Variants in PDE8A observed in about 807,000 individuals in gnomAD.
PDE8A encodes high affinity cAMP-specific and IBMX-insensitive 3',5'-cyclic phosphodiesterase 8A.
Under a neutral mutation model 105.0 loss-of-function variants are expected in PDE8A, and 59 were observed. That is an observed-to-expected ratio of 0.56 (90% CI 0.46 to 0.70). The LOEUF (loss-of-function observed/expected upper bound fraction) is 0.70, where lower values mean the gene tolerates loss of function less well. Among genes scored for constraint, PDE8A ranks in the 30% least tolerant of loss-of-function variants. PDE8A has a pLI of 0.00. For synonymous variants in PDE8A, 355 were observed against 371.9 expected (o/e 0.95, Z 0.52); for missense variants, 1,014 against 1,045.9 (o/e 0.97, Z 0.42).
chr15:85,027,158 G>A (rs2080531402), intron 1 of PDE8A, among the ~76,000 whole-genome samples: 1 of 152,130 alleles, frequency 6.6e-6, no homozygotes, highest in Admixed American at 6.5e-5. Flanking sequence ...AGGCCTTGTT[G>A]GACTGTGGAC....
At chr15:85,098,392 T>C (rs1277932716) in intron 9 of PDE8A, among the ~76,000 whole-genome samples, 1 of 152,146 alleles carries the variant, frequency 6.6e-6, no homozygotes, top group African/African-American at 2.4e-5. Flanking sequence ...GGCTATGTAT[T>C]ATTTCTGCAG....
chr15:85,132,638 G>C (rs1379261654), intron 20 of PDE8A, among the ~76,000 whole-genome samples: 1 of 152,066 alleles, frequency 6.6e-6, no homozygotes, highest in East Asian at 1.9e-4. Context: ...GCTAATTTTT[G>C]TATTTTTAGT....
intron 20 of PDE8A, among the ~76,000 whole-genome samples, chr15:85,134,546 C>CCTT (rs34002838): frequency 0.84 from 127,575 of 151,924 alleles, 54,197 homozygotes; most frequent in African/African-American, 0.96. Context: ...GTTCCCCACT[C>CCTT]CTCTTACCAA....
At chr15:85,021,438 G>A (rs1376733981) in intron 1 of PDE8A, among the ~76,000 whole-genome samples, 1 of 152,078 alleles carries the variant, frequency 6.6e-6, no homozygotes, top group Non-Finnish European at 1.5e-5. Context: ...AGCTACTGGG[G>A]TTGGGGGTGG....
At chr15:84,990,582 A>G (rs1018443077) in intron 1 of PDE8A, among the ~76,000 whole-genome samples, 5 of 152,192 alleles carry the variant, frequency 3.3e-5, no homozygotes, top group Admixed American at 2.6e-4. Context: ...TTCTAATTAA[A>G]GTAGTCTGTT....
At chr15:85,000,844 AT>A (rs1449411491) in intron 1 of PDE8A, among the ~76,000 whole-genome samples, 2 of 152,068 alleles carry the variant, frequency 1.3e-5, no homozygotes, top group Non-Finnish European at 2.9e-5. Context: ...TTATGAGGAC[AT>A]TTTCTGGAAT....
intron 17 of PDE8A, among the ~76,000 whole-genome samples, chr15:85,119,026 G>T (rs1596537497): frequency 1.3e-5 from 2 of 152,102 alleles, no homozygotes; most frequent in Admixed American, 6.6e-5. Context: ...CAGAGAAGGG[G>T]ACTGTTTTCT....
chr15:85,042,075 A>C (rs2080818116), intron 1 of PDE8A, among the ~76,000 whole-genome samples: 1 of 125,268 alleles, frequency 8.0e-6, no homozygotes, highest in South Asian at 2.2e-4. Context: ...TAAAGAAACC[A>C]ATTTTTTTTT....
intron 6 of PDE8A, among the ~76,000 whole-genome samples, chr15:85,083,908 C>T (rs2081506967): frequency 6.6e-6 from 1 of 152,126 alleles, no homozygotes; most frequent in Non-Finnish European, 1.5e-5. Flanking sequence ...ACTGCATATG[C>T]TGGATTATCT....
chr15:85,071,815 C>T (rs1036032870), intron 3 of PDE8A, among the ~76,000 whole-genome samples: 47 of 152,214 alleles, frequency 3.1e-4, no homozygotes, highest in African/African-American at 1.1e-3. Flanking sequence ...AGAAGGGGGG[C>T]CTGTGAAAAG....
At chr15:85,008,499 C>T (rs2080185418) in intron 1 of PDE8A, among the ~76,000 whole-genome samples, 1 of 151,986 alleles carries the variant, frequency 6.6e-6, no homozygotes, top group African/African-American at 2.4e-5. Flanking sequence ...CATTCTAGTT[C>T]CACACTCTGG....
At chr15:85,097,807 T>TA (rs1297211419) in intron 8 of PDE8A, 141 bp from the exon 9 acceptor site, 15 of 614,956 alleles carry the variant, frequency 2.4e-5, no homozygotes, top group Non-Finnish European at 3.8e-5. Flanking sequence ...ATTGTCCTAT[T>TA]ACCTGAAATC....
At chr15:85,069,480 G>T (rs1307627545) in intron 3 of PDE8A, among the ~76,000 whole-genome samples, 2 of 152,158 alleles carry the variant, frequency 1.3e-5, no homozygotes, top group Non-Finnish European at 1.5e-5. Context: ...TGGAGGACAG[G>T]AATTGTGTCC....
chr15:84,986,768 A>G lies in PDE8A; in HGVS notation c.186+4420A>G, dbSNP rs536500461. Among the ~76,000 whole-genome samples the G allele has an allele frequency of 3.8e-4, 57 of 151,718 alleles. 1 individual carries two copies. The highest frequency in any genetic ancestry group is 2.9e-5 in the Non-Finnish European group (2 of 67,916). On this transcript the variant is annotated intron_variant, in intron 1 of 21. Transcript: ENST00000394553. ...CTGGGACTACAGGTGCGCACCATGC[A>G]TGGCCAGTTTTTTAAACTTTTTTTT...
rs146914736 is a variant in PDE8A, at chr15:85,044,890, A to G, written c.187-19480A>G. Among the ~76,000 whole-genome samples the G allele has an allele frequency of 2.8e-3, 428 of 152,362 alleles. 2 individuals carry two copies. The highest frequency in any genetic ancestry group is 1.0e-2 in the African/African-American group (414 of 41,584). On this transcript the variant is annotated intron_variant, in intron 1 of 21. Transcript: ENST00000394553. Reference sequence around the variant, plus strand: ...TTCATGAAATTTAGAATAAAATTCAAATGTCTTGTCCTGCCTTAGAAAACT... The same window carrying G: ...TTCATGAAATTTAGAATAAAATTCAGATGTCTTGTCCTGCCTTAGAAAACT...
Position 85,010,455 on chromosome 15 carries a change from C to G in PDE8A, c.186+28107C>G, listed in dbSNP as rs373099380. Among the ~76,000 whole-genome samples the G allele has an allele frequency of 1.1e-3, 174 of 152,330 alleles. 2 individuals carry two copies. Among genetic ancestry groups the G allele is most frequent in the African/African-American group, 3.9e-3 (162 of 41,570 alleles). ...ACCTTATCTGATAAGCTGCTTCCCT[C>G]TCTTCCTTACACACAGAAGGGAGTG... On this transcript the variant is annotated intron_variant, in intron 1 of 21. Transcript: ENST00000394553.
chr15:85,003,983 AGT>A (rs1383911190), intron 1 of PDE8A, among the ~76,000 whole-genome samples: 1 of 152,200 alleles, frequency 6.6e-6, no homozygotes, highest in Non-Finnish European at 1.5e-5. Context: ...GAGGGTCATG[AGT>A]GAGAGGTTTT....
chr15:85,033,864 CAAAA>C (rs1449050602), intron 1 of PDE8A, among the ~76,000 whole-genome samples: 2 of 151,460 alleles, frequency 1.3e-5, no homozygotes, highest in African/African-American at 4.9e-5. Context: ...GACGTGGTCT[CAAAA>C]AAAGAAAAAC....
At chr15:85,008,599 A>C (rs1596436498) in intron 1 of PDE8A, among the ~76,000 whole-genome samples, 1 of 152,066 alleles carries the variant, frequency 6.6e-6, no homozygotes, top group Admixed American at 6.5e-5. Flanking sequence ...CTTATACCTT[A>C]TCCTGGCTAC....
Sources: allele counts gnomAD v4.1 joint callset (sites outside exome capture counted in the v4.1 genomes callset), GRCh38; gene constraint gnomAD v4.1.1; transcripts MANE v1.5; gene names NCBI Gene and HGNC (gene_info 2026-07-23, HGNC 2026-07-21).